CD99L2: variants seen among roughly 807,000 people sequenced by gnomAD.
CD99L2 encodes the protein CD99 molecule like 2, also known as CD99 antigen-like protein 2.
A neutral mutation model predicts 27.3 loss-of-function variants in CD99L2; 24 were observed. That is an observed-to-expected ratio of 0.88 (90% CI 0.64 to 1.24). The LOEUF (loss-of-function observed/expected upper bound fraction) is 1.24. Among genes scored for constraint, CD99L2 ranks in the 50% most tolerant of loss-of-function variants. The pLI is 0.00. For synonymous variants in CD99L2, 97 were observed against 87.9 expected (o/e 1.10, Z -0.58); for missense variants, 255 against 221.6 (o/e 1.15, Z -0.96).
intron 4 of CD99L2, among the ~76,000 whole-genome samples, chrX:150,798,021 G>A (rs1325250327): frequency 2.1e-5 from 2 of 94,781 alleles, no homozygotes; most frequent in Non-Finnish European, 4.2e-5. Flanking sequence ...CAGCATAGGC[G>A]ACAGAATGAG....
intron 1 of CD99L2, among the ~76,000 whole-genome samples, chrX:150,885,739 C>T (rs969181182): frequency 3.6e-5 from 4 of 112,114 alleles, no homozygotes; most frequent in South Asian, 3.7e-4. Context: ...TGCATCTCTC[C>T]GATTACTAAT....
intron 7 of CD99L2, among the ~76,000 whole-genome samples, chrX:150,779,137 C>A (rs782362661): frequency 8.9e-6 from 1 of 112,071 alleles, no homozygotes; most frequent in African/African-American, 3.3e-5. Context: ...GGATTCCCAG[C>A]AACTTAAATA....
At chrX:150,894,933 C>T (rs782041950) in intron 1 of CD99L2, among the ~76,000 whole-genome samples, 44 of 111,605 alleles carry the variant, frequency 3.9e-4, no homozygotes, top group African/African-American at 1.4e-3. Context: ...TTCCTATTAC[C>T]TGCATGATCC....
At chrX:150,870,740 T>C (rs1557422163) in intron 1 of CD99L2, among the ~76,000 whole-genome samples, 1 of 111,227 alleles carries the variant, frequency 9.0e-6, no homozygotes, top group Non-Finnish European at 1.9e-5. Flanking sequence ...CCAGAGCCAC[T>C]GTCTCACCCC....
intron 6 of CD99L2, among the ~76,000 whole-genome samples, chrX:150,794,968 A>T (rs1359465887): frequency 8.9e-6 from 1 of 112,891 alleles, no homozygotes; most frequent in Non-Finnish European, 1.9e-5. Context: ...ATTGATTAAT[A>T]AAGTCTTTCA....
At chrX:150,862,692 T>G (rs138923388) in intron 1 of CD99L2, among the ~76,000 whole-genome samples, 1,365 of 111,659 alleles carry the variant, frequency 0.012, 8 homozygotes, top group Middle Eastern at 0.042. Flanking sequence ...AACAAGCCTT[T>G]GCTGAGCTCT....
rs1482331138 is a variant in CD99L2, at chrX:150,840,201, CAAAAAGA to C, written c.68-8915_68-8909del. 6.2e-4 allele frequency among the ~76,000 whole-genome samples: 48 copies of C among 77,022 alleles called. 3 individuals carry two copies. Among genetic ancestry groups the C allele is most frequent in the Admixed American group, 5.2e-3 (32 of 6,203 alleles). The allele number at this position is 77,022 out of a possible 115,157, so 66.9% of individuals were successfully genotyped here. A position where few individuals can be genotyped will look rare whatever the true frequency, so the allele number is the denominator to read the frequency against. On this transcript the variant is annotated intron_variant, in intron 1 of 10. Transcript: ENST00000370377. ...TGGGTGCCAGAGGGAGACCCTACCT[CAAAAAGA>C]AAAAAGAAAAAAGAAAGAAAGAAAG...
At chrX:150,808,194 A>T (rs925810114) in intron 4 of CD99L2, among the ~76,000 whole-genome samples, 1 of 112,801 alleles carries the variant, frequency 8.9e-6, no homozygotes, top group Admixed American at 9.4e-5. Flanking sequence ...CTGTACACTG[A>T]TATCGAAAAC....
intron 1 of CD99L2, among the ~76,000 whole-genome samples, chrX:150,891,519 T>G (rs1228979177): frequency 8.9e-6 from 1 of 112,010 alleles, no homozygotes; most frequent in Non-Finnish European, 1.9e-5. Flanking sequence ...GGTGATTACA[T>G]TGGGTCCACC....
intron 4 of CD99L2, among the ~76,000 whole-genome samples, chrX:150,796,372 G>A (rs1304646448): frequency 8.9e-6 from 1 of 112,335 alleles, no homozygotes; most frequent in East Asian, 2.8e-4. Context: ...AGTAAGTCAA[G>A]TCATAACCCA....
At chrX:150,825,642 T>C (rs1385353585) in intron 2 of CD99L2, among the ~76,000 whole-genome samples, 1 of 112,590 alleles carries the variant, frequency 8.9e-6, no homozygotes, top group Non-Finnish European at 1.9e-5. Flanking sequence ...GTGTTGTAAG[T>C]CTTTAAATGG....
chrX:150,824,553 A>C (rs2046328690), intron 2 of CD99L2, among the ~76,000 whole-genome samples: 1 of 88,783 alleles, frequency 1.1e-5, no homozygotes, highest in South Asian at 7.8e-4. Context: ...AGAAGGAAGA[A>C]GAAGAAAGAA....
At chrX:150,771,209 G>A (rs781912247) in intron 9 of CD99L2, among the ~76,000 whole-genome samples, 1 of 112,667 alleles carries the variant, frequency 8.9e-6, no homozygotes, top group Admixed American at 9.3e-5. Context: ...AGGCACCAGT[G>A]CAAGTCAAGC....
In CD99L2 at chrX:150,898,617, G is replaced by A. The variant is rs2047658912; in HGVS notation, c.-29C>T. Reference sequence around the variant, plus strand: ...TGGGAGCAGGCGGAGGGCCCCGGAGGAGCACAGTTAGCGCGAGAGCGCCCG... The same window carrying A: ...TGGGAGCAGGCGGAGGGCCCCGGAGAAGCACAGTTAGCGCGAGAGCGCCCG... On this transcript the variant is annotated 5_prime_UTR_variant, in exon 1 of 11. Coordinates refer to ENST00000370377, the MANE Select transcript of CD99L2 (RefSeq NM_031462.4). 9.2e-7 allele frequency: 1 copy of A among 1,085,055 alleles called. No individual in the cohort carries two copies. The highest frequency in any genetic ancestry group is 1.2e-6 in the Non-Finnish European group (1 of 836,275). The allele number at this position is 1,085,055 out of a possible 1,213,427, so 89.4% of individuals were successfully genotyped here. A position where few individuals can be genotyped will look rare whatever the true frequency, so the allele number is the denominator to read the frequency against.
At position 150,824,683 on chromosome X, in the gene CD99L2, A is replaced by AGAGGAG. The variant is rs1201440035; in HGVS notation, c.130+6547_130+6548insCTCCTC. On this transcript the variant is annotated intron_variant, in intron 2 of 10. Transcript: ENST00000370377. ...AAGAAGAAGAGGAAGAGGAAGAAGA[A>AGAGGAG]GAAGAGGAAGAGGAAGAGGAAGAGG... Among the ~76,000 whole-genome samples, 130 of 41,880 alleles carry AGAGGAG rather than the reference A, an allele frequency of 3.1e-3. 1 individual carries two copies. The highest frequency in any genetic ancestry group is 8.5e-3 in the African/African-American group (116 of 13,586). The allele number at this position is 41,880 out of a possible 115,157, so 36.4% of individuals were successfully genotyped here. A position where few individuals can be genotyped will look rare whatever the true frequency, so the allele number is the denominator to read the frequency against.
chrX:150,798,225 G>GGAGGGAGGGAGGGAGGA (rs1557419979), intron 4 of CD99L2, among the ~76,000 whole-genome samples: 5 of 20,172 alleles, frequency 2.5e-4, no homozygotes, highest in Non-Finnish European at 4.1e-4. Context: ...AGGAAGGAAG[G>GGAGGGAGGGAGGGAGGA]AAGGAAGGAA....
At chrX:150,890,013 C>T (rs889290367) in intron 1 of CD99L2, among the ~76,000 whole-genome samples, 10 of 109,404 alleles carry the variant, frequency 9.1e-5, no homozygotes, top group Admixed American at 2.9e-4. Flanking sequence ...ATTAGCTGGG[C>T]GTGGAGGTGG....
At chrX:150,819,101 C>T (rs2046208538) in intron 2 of CD99L2, 2 of 331,859 alleles carry the variant, frequency 6.0e-6, no homozygotes, top group Non-Finnish European at 1.1e-5. Flanking sequence ...ATCTCCACTG[C>T]CAAGACTGAG....
Position 150,777,513 on chromosome X carries a change from G to A in CD99L2, c.497-31C>T, listed in dbSNP as rs200953375. 5.4e-5 allele frequency: 65 copies of A among 1,201,537 alleles called. No individual in the cohort carries two copies. In the African/African-American group the frequency reaches 9.3e-4, roughly 17 times the overall value. ...GAAAAGACAAAAGCACTTAGTGCCA[G>A]CGACCAGCCAGCTCAGGCTCGAGCT... On this transcript the variant is annotated intron_variant, in intron 7 of 10. Transcript: ENST00000370377.
Sources: gnomAD v4.1 joint callset for allele counts (sites outside exome capture counted in the v4.1 genomes callset) on GRCh38, gnomAD v4.1.1 for gene constraint, MANE v1.5 for transcripts, NCBI Gene and HGNC (gene_info 2026-07-23, HGNC 2026-07-21) for gene names.